Variants in PDE6D observed in about 807,000 individuals in gnomAD.
The protein encoded by PDE6D is phosphodiesterase 6D.
A neutral mutation model predicts 21.9 loss-of-function variants in PDE6D; 10 were observed. That is an observed-to-expected ratio of 0.46 (90% CI 0.28 to 0.78). The LOEUF (loss-of-function observed/expected upper bound fraction) is 0.78. Among genes scored for constraint, PDE6D ranks in the 30% least tolerant of loss-of-function variants. PDE6D has a pLI of 0.12. For missense variants in PDE6D, 139 were observed against 184.8 expected (o/e 0.75, Z 1.44); for synonymous variants, 59 against 63.5 (o/e 0.93, Z 0.34).
chr2:231,766,485 A>G (rs1203759447), intron 1 of PDE6D, among the ~76,000 whole-genome samples: 1 of 152,166 alleles, frequency 6.6e-6, no homozygotes, highest in African/African-American at 2.4e-5. Flanking sequence ...TTTGCTTCCC[A>G]GCACCTCCTG....
At chr2:231,751,874 C>T (rs534450591) in intron 1 of PDE6D, among the ~76,000 whole-genome samples, 190 of 152,272 alleles carry the variant, frequency 1.2e-3, no homozygotes, top group Admixed American at 2.0e-3. Context: ...TTTTCCTCTC[C>T]TTTCTACACT....
intron 1 of PDE6D, among the ~76,000 whole-genome samples, chr2:231,748,464 A>G (rs906191769): frequency 3.3e-5 from 5 of 152,196 alleles, no homozygotes; most frequent in African/African-American, 1.2e-4. Flanking sequence ...GTGCTGTTAA[A>G]GGCATTCAGT....
intron 1 of PDE6D, among the ~76,000 whole-genome samples, chr2:231,764,653 A>G (rs2048956024): frequency 6.6e-6 from 1 of 152,194 alleles, no homozygotes; most frequent in Non-Finnish European, 1.5e-5. Context: ...GGCTTACTGG[A>G]GGAAGACACT....
intron 4 of PDE6D, among the ~76,000 whole-genome samples, chr2:231,734,191 G>A (rs1574614225): frequency 6.6e-6 from 1 of 151,808 alleles, no homozygotes; most frequent in Non-Finnish European, 1.5e-5. Context: ...TCCAGCCTCC[G>A]CGACAGAGCG....
chr2:231,738,416 C>T (rs1457468537), intron 2 of PDE6D, among the ~76,000 whole-genome samples: 1 of 152,214 alleles, frequency 6.6e-6, no homozygotes, highest in African/African-American at 2.4e-5. Context: ...TCTAACTACT[C>T]TCATCAGGAA....
intron 1 of PDE6D, among the ~76,000 whole-genome samples, chr2:231,751,173 T>C (rs538760879): frequency 2.0e-5 from 3 of 152,216 alleles, no homozygotes; most frequent in Admixed American, 2.0e-4. Flanking sequence ...TTTCTTTTTT[T>C]TGAGACAGGG....
intron 2 of PDE6D, among the ~76,000 whole-genome samples, chr2:231,738,448 T>C (rs1406650737): frequency 1.3e-5 from 2 of 152,228 alleles, no homozygotes; most frequent in Non-Finnish European, 2.9e-5. Context: ...GGGTACCTTC[T>C]CTCTACTCTG....
chr2:231,737,332 A>C (rs1485834313), intron 3 of PDE6D, 40 bp from the exon 4 acceptor site: 4 of 1,113,610 alleles, frequency 3.6e-6, no homozygotes, highest in Non-Finnish European at 5.5e-6. Context: ...CAGGTGCCCC[A>C]GTATAAAGTT....
chr2:231,776,955 C>T (rs757803812), intron 1 of PDE6D, among the ~76,000 whole-genome samples: 18 of 152,274 alleles, frequency 1.2e-4, no homozygotes, highest in Non-Finnish European at 2.1e-4. Context: ...GGTAGTATAG[C>T]GCCACAGTCC....
rs1268932437 is a variant in PDE6D at position 231,732,653 on chromosome 2, TTA to T, written c.*297_*298del. On this transcript the variant is annotated 3_prime_UTR_variant, in exon 5 of 5. Transcript: ENST00000287600. ...GAGACAAGGAGGGTGACAGGTACAGTTACCGGTTTGTGGTATGTGTTTGTTCC... is the reference window on the plus strand; with the variant it reads ...GAGACAAGGAGGGTGACAGGTACAGTCCGGTTTGTGGTATGTGTTTGTTCC... 1 of 234,190 alleles carries T rather than the reference TTA, an allele frequency of 4.3e-6. No homozygotes were observed. Among genetic ancestry groups the T allele is most frequent in the African/African-American group, 2.3e-5 (1 of 44,332 alleles). The allele number at this position is 234,190 out of a possible 1,614,324, so 14.5% of individuals were successfully genotyped here. A position where few individuals can be genotyped will look rare whatever the true frequency, so the allele number is the denominator to read the frequency against.
intron 1 of PDE6D, among the ~76,000 whole-genome samples, chr2:231,741,905 AAAT>A: frequency 2.6e-5 from 4 of 152,356 alleles, no homozygotes; most frequent in Admixed American, 2.6e-4. Context: ...GTCAGGCACG[AAAT>A]GTTGAGAAAC....
At chr2:231,749,178 A>T (rs960022380) in intron 1 of PDE6D, among the ~76,000 whole-genome samples, 4 of 152,172 alleles carry the variant, frequency 2.6e-5, no homozygotes, top group Non-Finnish European at 5.9e-5. Flanking sequence ...AGCAGGCAGG[A>T]GGGAGGCTGT....
chr2:231,757,441 G>A (rs1057102928), intron 1 of PDE6D, among the ~76,000 whole-genome samples: 10 of 152,182 alleles, frequency 6.6e-5, no homozygotes, highest in African/African-American at 1.9e-4. Flanking sequence ...GGGATTATAG[G>A]AGCGTGCGAC....
chr2:231,773,628 G>A (rs957650661), intron 1 of PDE6D, among the ~76,000 whole-genome samples: 11 of 152,138 alleles, frequency 7.2e-5, no homozygotes, highest in African/African-American at 2.7e-4. Flanking sequence ...AAGGTACTAT[G>A]AGAAAGAAGA....
chr2:231,754,670 C>A (rs1460765934), intron 1 of PDE6D, among the ~76,000 whole-genome samples: 2 of 146,916 alleles, frequency 1.4e-5, no homozygotes, highest in South Asian at 2.1e-4. Flanking sequence ...CCACGCCCAG[C>A]CTTCTTTTGT....
intron 1 of PDE6D, among the ~76,000 whole-genome samples, chr2:231,753,256 G>A (rs1205290543): frequency 6.7e-6 from 1 of 149,146 alleles, no homozygotes; most frequent in Admixed American, 6.7e-5. Context: ...GGGAGCGGTG[G>A]CTCACGCCTG....
intron 1 of PDE6D, among the ~76,000 whole-genome samples, chr2:231,746,168 G>A (rs1447176380): frequency 1.3e-5 from 2 of 151,922 alleles, no homozygotes; most frequent in African/African-American, 4.8e-5. Flanking sequence ...TTGAGACGGA[G>A]TCCCAATCTG....
At chr2:231,738,989 G>T in intron 2 of PDE6D, 111 bp downstream of exon 2, 2 of 623,126 alleles carry the variant, frequency 3.2e-6, no homozygotes. Flanking sequence ...AACATGCTGT[G>T]TCTTCAGGGG....
chr2:231,765,431 A>G (rs1448146608), intron 1 of PDE6D, among the ~76,000 whole-genome samples: 3 of 152,212 alleles, frequency 2.0e-5, no homozygotes, highest in Non-Finnish European at 2.9e-5. Flanking sequence ...GTAACAATAT[A>G]TTAGAATTTA....
Sources: gnomAD v4.1 joint callset for allele counts (sites outside exome capture counted in the v4.1 genomes callset) on GRCh38, gnomAD v4.1.1 for gene constraint, MANE v1.5 for transcripts, NCBI Gene and HGNC (gene_info 2026-07-23, HGNC 2026-07-21) for gene names.